HPSE2: variants seen among roughly 807,000 people sequenced by gnomAD.
HPSE2 encodes the protein heparanase 2 (inactive), also known as inactive heparanase-2.
HPSE2 carries 38 observed loss-of-function variants against 60.5 expected under a neutral mutation model. That is an observed-to-expected ratio of 0.63 (90% CI 0.48 to 0.82). HPSE2 has a LOEUF of 0.82. Among genes scored for constraint, HPSE2 ranks in the 40% least tolerant of loss-of-function variants. The pLI is 0.00. For missense variants in HPSE2, 713 were observed against 740.4 expected (o/e 0.96, Z 0.43); for synonymous variants, 295 against 293.2 (o/e 1.01, Z -0.06).
chr10:98,721,919 A>G, intron 4 of HPSE2, 91 bp from the exon 5 acceptor site: 1 of 1,055,346 alleles, frequency 9.5e-7, no homozygotes, highest in Non-Finnish European at 1.4e-6. Flanking sequence ...CTTTTTCTTA[A>G]TAATATGAAA....
At chr10:99,305,140 T>G in the HPSE2 span, among the ~76,000 whole-genome samples, 1 of 152,182 alleles carries the variant, frequency 6.6e-6, no homozygotes, top group Non-Finnish European at 1.5e-5. Context: ...ATAGAGAAAC[T>G]GGTGGAGTTT....
chr10:98,683,885 A>G (rs1947846985), intron 6 of HPSE2, among the ~76,000 whole-genome samples: 1 of 152,170 alleles, frequency 6.6e-6, no homozygotes, highest in South Asian at 2.1e-4. Flanking sequence ...AGGAACAGGG[A>G]GAAGATCTTA....
At chr10:98,602,118 G>A (rs2485025) in intron 9 of HPSE2, among the ~76,000 whole-genome samples, 16,255 of 152,100 alleles carry the variant, frequency 0.11, 1,484 homozygotes, top group African/African-American at 0.26. Context: ...AGGAGTAAGG[G>A]TTCCCCAGTG....
intron 3 of HPSE2, among the ~76,000 whole-genome samples, chr10:98,936,139 T>C (rs186153575): frequency 1.4e-5 from 2 of 144,564 alleles, no homozygotes; most frequent in Non-Finnish European, 1.5e-5. Context: ...GTAATGGTAG[T>C]TGCATCACCC....
intron 3 of HPSE2, among the ~76,000 whole-genome samples, chr10:98,839,341 A>G (rs1312370758): frequency 6.6e-6 from 1 of 152,176 alleles, no homozygotes; most frequent in African/African-American, 2.4e-5. Context: ...AAGCCTCCCC[A>G]ATACTCTGTT....
chr10:98,459,558 T>A lies in HPSE2; in HGVS notation c.*16A>T. 6.2e-7 allele frequency: 1 copy of A among 1,613,544 alleles called. No individual in the cohort carries two copies. The highest frequency in any genetic ancestry group is 2.2e-5 in the East Asian group (1 of 44,868). On this transcript the variant is annotated 3_prime_UTR_variant, in exon 12 of 12. Coordinates refer to ENST00000370552, the MANE Select transcript of HPSE2 (RefSeq NM_021828.5). Reference sequence around the variant, plus strand: ...AGCCCAGCAGGCCCACTGGTAGCCGTGAGTGTGAGGATAGCTTATCGGTAG... The same window carrying A: ...AGCCCAGCAGGCCCACTGGTAGCCGAGAGTGTGAGGATAGCTTATCGGTAG...
the HPSE2 span, among the ~76,000 whole-genome samples, chr10:99,245,573 C>T: frequency 6.6e-6 from 1 of 152,202 alleles, no homozygotes; most frequent in Non-Finnish European, 1.5e-5. Context: ...ATCATTCTTT[C>T]ATTCAATAAA....
chr10:98,525,049 C>T (rs761897150), intron 9 of HPSE2, among the ~76,000 whole-genome samples: 16 of 152,204 alleles, frequency 1.1e-4, no homozygotes, highest in Non-Finnish European at 1.6e-4. Context: ...TCACTCTTGT[C>T]GCCCAGGCTG....
At chr10:98,507,994 T>C (rs1942257499) in intron 9 of HPSE2, among the ~76,000 whole-genome samples, 1 of 151,850 alleles carries the variant, frequency 6.6e-6, no homozygotes, top group African/African-American at 2.4e-5. Context: ...GCCTAGAAGA[T>C]GGAAGGTAAT....
chr10:98,606,662 A>G (rs893641316), intron 9 of HPSE2, among the ~76,000 whole-genome samples: 2 of 152,190 alleles, frequency 1.3e-5, no homozygotes, highest in African/African-American at 4.8e-5. Context: ...AGAGATTGAT[A>G]ATAATTGAAA....
In HPSE2 at chr10:98,458,585, C is replaced by G. The variant is rs1940145454; in HGVS notation, c.*989G>C. On this transcript the variant is annotated 3_prime_UTR_variant, in exon 12 of 12. Transcript: ENST00000370552. Reference sequence around the variant, plus strand: ...TGACCTTGATTCACACTTTTTTCTTCTTTTTTAAAAATAATGATTTGAGTT... The same window carrying G: ...TGACCTTGATTCACACTTTTTTCTTGTTTTTTAAAAATAATGATTTGAGTT... The G allele has an allele frequency of 6.6e-6, 1 of 152,058 alleles. No homozygotes were observed. The allele number at this position is 152,058 out of a possible 1,614,324, so 9.4% of individuals were successfully genotyped here. A position where few individuals can be genotyped will look rare whatever the true frequency, so the allele number is the denominator to read the frequency against.
chr10:98,804,708 T>C (rs990087702), intron 3 of HPSE2, among the ~76,000 whole-genome samples: 13 of 152,098 alleles, frequency 8.5e-5, no homozygotes, highest in Non-Finnish European at 1.5e-4. Context: ...ACGACTACTA[T>C]GGAAAAAAGT....
intron 6 of HPSE2, among the ~76,000 whole-genome samples, chr10:98,677,588 C>T (rs1444453907): frequency 6.6e-6 from 1 of 152,144 alleles, no homozygotes; most frequent in African/African-American, 2.4e-5. Flanking sequence ...ATTAACCCCA[C>T]TTAACAGATG....
At chr10:98,723,382 AT>A (rs144241399) in intron 4 of HPSE2, among the ~76,000 whole-genome samples, 63,799 of 151,822 alleles carry the variant, frequency 0.42, 14,895 homozygotes, top group South Asian at 0.56. Flanking sequence ...CTTATTGAGG[AT>A]TTTTGCATCA....
At chr10:99,123,568 C>T (rs1845044794) in intron 3 of HPSE2, among the ~76,000 whole-genome samples, 1 of 152,188 alleles carries the variant, frequency 6.6e-6, no homozygotes, top group African/African-American at 2.4e-5. Flanking sequence ...TGTTTCAGCA[C>T]TGTTTGTGTT....
chr10:98,532,782 A>G (rs1178086081), intron 9 of HPSE2, among the ~76,000 whole-genome samples: 1 of 152,170 alleles, frequency 6.6e-6, no homozygotes, highest in Admixed American at 6.5e-5. Context: ...TTCCTTTCAG[A>G]GGGCAGAACA....
At chr10:98,766,570 G>C (rs1417332049) in intron 3 of HPSE2, among the ~76,000 whole-genome samples, 1 of 152,078 alleles carries the variant, frequency 6.6e-6, no homozygotes, top group Non-Finnish European at 1.5e-5. Flanking sequence ...CAAATGTAAG[G>C]AAAAATAACA....
chr10:99,214,281 G>C (rs1400583431), intron 2 of HPSE2, among the ~76,000 whole-genome samples: 2 of 152,124 alleles, frequency 1.3e-5, no homozygotes, highest in Non-Finnish European at 2.9e-5. Flanking sequence ...TATAGCCATT[G>C]GGGAAAACAA....
intron 3 of HPSE2, among the ~76,000 whole-genome samples, chr10:98,833,116 G>A (rs1951719892): frequency 6.6e-6 from 1 of 152,032 alleles, no homozygotes. Context: ...GCATTTTCTG[G>A]AACCTTTTAA....
Sources: allele counts gnomAD v4.1 joint callset (sites outside exome capture counted in the v4.1 genomes callset), GRCh38; gene constraint gnomAD v4.1.1; transcripts MANE v1.5; gene names NCBI Gene and HGNC (gene_info 2026-07-23, HGNC 2026-07-21).